Variants in SLC34A2 observed in about 807,000 individuals in gnomAD.
SLC34A2 encodes the protein solute carrier family 34 member 2.
SLC34A2 carries 41 observed loss-of-function variants against 50.8 expected under a neutral mutation model. The observed-to-expected ratio is 0.81, with a 90% CI of 0.63 to 1.05. The LOEUF (loss-of-function observed/expected upper bound fraction) is 1.05, where lower values mean the gene tolerates loss of function less well. SLC34A2 is among the 50% of genes least tolerant of loss of function. SLC34A2 has a pLI of 0.00. For missense variants in SLC34A2, 879 were observed against 876.7 expected (o/e 1.00, Z -0.03); for synonymous variants, 401 against 364.2 (o/e 1.10, Z -1.15).
intron 6 of SLC34A2, among the ~76,000 whole-genome samples, chr4:25,669,201 A>C (rs189145476): frequency 6.6e-6 from 1 of 152,288 alleles, no homozygotes; most frequent in East Asian, 1.9e-4. Context: ...CATTCATAGA[A>C]TGTGTAGTGA....
At chr4:25,672,121 A>G (rs1373950647) in intron 9 of SLC34A2, among the ~76,000 whole-genome samples, 2 of 152,270 alleles carry the variant, frequency 1.3e-5, no homozygotes, top group Non-Finnish European at 1.5e-5. Context: ...GGTCACTTGA[A>G]GCCAGGAGTT....
rs1239889064 is a variant in SLC34A2 at position 25,678,468 on chromosome 4, T to C, written c.*1719T>C. The C allele has an allele frequency of 3.0e-5, 5 of 167,148 alleles. No homozygotes were observed. Among genetic ancestry groups the C allele is most frequent in the African/African-American group, 7.2e-5 (3 of 41,816 alleles). The allele number at this position is 167,148 out of a possible 1,614,324, so 10.4% of individuals were successfully genotyped here. A position where few individuals can be genotyped will look rare whatever the true frequency, so the allele number is the denominator to read the frequency against. On this transcript the variant is annotated 3_prime_UTR_variant, in exon 13 of 13. Transcript: ENST00000382051. Reference sequence around the variant, plus strand: ...GCCTGCCCCGCCCACTCTGTATATATGTAAGTTAAACCCGGGCAGGGGCTG... The same window carrying C: ...GCCTGCCCCGCCCACTCTGTATATACGTAAGTTAAACCCGGGCAGGGGCTG...
rs1017010569 is a variant in SLC34A2, at chr4:25,669,660, G to C, written c.649G>C (p.Ala217Pro). Residue 217 changes from alanine (A) to proline (P), a missense_variant, in exon 7 of 13, where the codon GCC (alanine) becomes CCC (proline). Coordinates refer to ENST00000382051, the MANE Select transcript of SLC34A2 (RefSeq NM_006424.3). ...TCCCTCCCATAGAGCTTTTGCAGGAGCCACTGTCCATGACTTCTTCAACTG... is the reference window on the plus strand; with the variant it reads ...TCCCTCCCATAGAGCTTTTGCAGGACCCACTGTCCATGACTTCTTCAACTG... ...RSEFRRAFAG[A>P]TVHDFFNWLS... 1.2e-6 allele frequency: 2 copies of C among 1,613,868 alleles called. No individual in the cohort carries two copies. Among genetic ancestry groups the C allele is most frequent in the African/African-American group, 2.7e-5 (2 of 74,896 alleles).
intron 7 of SLC34A2, among the ~76,000 whole-genome samples, 193 bp downstream of exon 7, chr4:25,670,035 C>A (rs1175654944): frequency 6.6e-6 from 1 of 152,130 alleles, no homozygotes; most frequent in East Asian, 1.9e-4. Flanking sequence ...CCAGCCTGGC[C>A]AACATGGCAT....
intron 5 of SLC34A2, 144 bp downstream of exon 5, chr4:25,666,415 G>C: frequency 1.1e-6 from 1 of 941,236 alleles, no homozygotes. Context: ...GCTACAATGT[G>C]TTTCCCTCTT....
rs1484659434 is a variant in SLC34A2 at position 25,678,636 on chromosome 4, C to A, written c.*1887C>A. The A allele has an allele frequency of 1.8e-5, 6 of 337,662 alleles. No individual in the cohort carries two copies. Among genetic ancestry groups the A allele is most frequent in the Middle Eastern group, 9.1e-4 (1 of 1,102 alleles). The allele number at this position is 337,662 out of a possible 1,614,324, so 20.9% of individuals were successfully genotyped here. On this transcript the variant is annotated 3_prime_UTR_variant, in exon 13 of 13. Transcript: ENST00000382051. ...GATCAAGCAATCCGCCCACCTCAGCCTCCCAAAGTGCTGAGATCACAGGCG... is the reference window on the plus strand; with the variant it reads ...GATCAAGCAATCCGCCCACCTCAGCATCCCAAAGTGCTGAGATCACAGGCG...
At chr4:25,664,426 C>T in intron 4 of SLC34A2, 96 bp downstream of exon 4, 1 of 1,374,640 alleles carries the variant, frequency 7.3e-7, no homozygotes, top group Non-Finnish European at 1.0e-6. Context: ...CAGCTGCAGC[C>T]TCCTGGAGTG....
At chr4:25,656,057 TTAA>T (rs1270626150) in intron 1 of SLC34A2, among the ~76,000 whole-genome samples, 167 bp downstream of exon 1, 1 of 152,252 alleles carries the variant, frequency 6.6e-6, no homozygotes, top group Non-Finnish European at 1.5e-5. Context: ...TGTTTTCTTC[TTAA>T]TGTTACGGTT....
At chr4:25,669,382 A>G (rs779361817) in intron 6 of SLC34A2, among the ~76,000 whole-genome samples, 17 of 152,296 alleles carry the variant, frequency 1.1e-4, no homozygotes, top group Non-Finnish European at 2.1e-4. Flanking sequence ...CCTTGATGCA[A>G]TTCTTCGAAA....
intron 9 of SLC34A2, among the ~76,000 whole-genome samples, chr4:25,671,943 T>C (rs1318228004): frequency 1.3e-5 from 2 of 152,150 alleles, no homozygotes; most frequent in East Asian, 3.9e-4. Context: ...AACTGGAACT[T>C]GAAGTCCATT....
At chr4:25,662,956 C>A in intron 3 of SLC34A2, 114 bp downstream of exon 3, 2 of 1,267,362 alleles carry the variant, frequency 1.6e-6, no homozygotes, top group African/African-American at 1.5e-5. Context: ...AAGCAAGGGT[C>A]CTGGCTAGGG....
Position 25,676,578 on chromosome 4 carries a change from C to T in SLC34A2, c.1902C>T (p.Asp634=), listed in dbSNP as rs764000026. 2.5e-6 allele frequency: 4 copies of T among 1,613,026 alleles called. No individual in the cohort carries two copies. Among genetic ancestry groups the T allele is most frequent in the Non-Finnish European group, 3.4e-6 (4 of 1,179,140 alleles). Residue 634 remains aspartate (D), a synonymous_variant, in exon 13 of 13, where the codon GAC becomes GAT. Coordinates refer to ENST00000382051, the MANE Select transcript of SLC34A2 (RefSeq NM_006424.3). Reference sequence around the variant, plus strand: ...GCCGCGCGTGCTGCTTGCTGTGTGACTGCCCCAAGTGCTGCCGCTGCAGCA... The same window carrying T: ...GCCGCGCGTGCTGCTTGCTGTGTGATTGCCCCAAGTGCTGCCGCTGCAGCA... ...VCCRACCLLC[D]CPKCCRCSKC... is the part of the protein sequence containing the mutation.
chr4:25,662,861 G>A lies in SLC34A2; in HGVS notation c.250+19G>A. 1 of 1,613,708 alleles carries A rather than the reference G, an allele frequency of 6.2e-7. No homozygotes were observed. The highest frequency in any genetic ancestry group is 8.5e-7 in the Non-Finnish European group (1 of 1,179,762). Reference sequence around the variant, plus strand: ...TGGTCAGGTAAAAGTGAGGCCAGCTGAGACATTCAGGAGGGAAACTTCCTG... The same window carrying A: ...TGGTCAGGTAAAAGTGAGGCCAGCTAAGACATTCAGGAGGGAAACTTCCTG... On this transcript the variant is annotated intron_variant, in intron 3 of 12. Coordinates refer to ENST00000382051, the MANE Select transcript of SLC34A2 (RefSeq NM_006424.3).
rs1026690952 is a variant in SLC34A2, at chr4:25,678,554, A to T, written c.*1805A>T. 4.7e-6 allele frequency: 1 copy of T among 214,616 alleles called. No individual in the cohort carries two copies. 13.3% of individuals were successfully genotyped at this position (214,616 alleles called of 1,614,324 possible). ...GAATCTTTGTACTTGCATTGATTGT[A>T]TAATAATTTTGAGACCAGGTCTCGC... On this transcript the variant is annotated 3_prime_UTR_variant, in exon 13 of 13. Coordinates refer to ENST00000382051, the MANE Select transcript of SLC34A2 (RefSeq NM_006424.3).
chr4:25,662,262 G>A (rs1714231502), intron 1 of SLC34A2, among the ~76,000 whole-genome samples: 1 of 152,218 alleles, frequency 6.6e-6, no homozygotes, highest in African/African-American at 2.4e-5. Context: ...CACTGTACGA[G>A]GTAGTTTGCT....
intron 7 of SLC34A2, 129 bp downstream of exon 7, chr4:25,669,971 C>T: frequency 1.1e-6 from 1 of 924,114 alleles, no homozygotes; most frequent in South Asian, 1.4e-5. Flanking sequence ...CCTTGTTTTC[C>T]CAGCACTTTG....
At chr4:25,660,628 C>T (rs552889189) in intron 1 of SLC34A2, among the ~76,000 whole-genome samples, 7 of 152,202 alleles carry the variant, frequency 4.6e-5, no homozygotes, top group Admixed American at 6.5e-5. Context: ...TCACTGCAAC[C>T]TCCACCTCCC....
chr4:25,667,641 G>A (rs1402666469), intron 5 of SLC34A2, among the ~76,000 whole-genome samples: 3 of 152,244 alleles, frequency 2.0e-5, no homozygotes, highest in Non-Finnish European at 4.4e-5. Flanking sequence ...TAATCAGTGG[G>A]TGCCTCCTGG....
Position 25,666,271 on chromosome 4 carries a change from T to A in SLC34A2, c.523T>A (p.Leu175Met). ...CGTTGTCAGCATGGTGTCCTCTTCA[T>A]GTGAGTCGGGGCACCCATGAGCCCA... is the stretch of plus-strand genomic sequence containing the variant. ...SIVVSMVSSSLLTVRAAIPII... is the reference protein window; with the variant it reads ...SIVVSMVSSSMLTVRAAIPII... The change falls in exon 5 of 13, where the codon TTG becomes ATG. Residue 175 changes from leucine to methionine, a missense_variant and splice_region_variant. Leu to Met is a conservative substitution (Grantham distance 15, BLOSUM62 2). Transcript: ENST00000382051. 6.2e-7 allele frequency: 1 copy of A among 1,613,766 alleles called. No homozygotes were observed. The highest frequency in any genetic ancestry group is 8.5e-7 in the Non-Finnish European group (1 of 1,179,980).
Sources: allele counts gnomAD v4.1 joint callset (sites outside exome capture counted in the v4.1 genomes callset), GRCh38; gene constraint gnomAD v4.1.1; transcripts MANE v1.5; gene names NCBI Gene and HGNC (gene_info 2026-07-23, HGNC 2026-07-21).